The following PRKCA variants were observed in gnomAD, a reference collection of about 807,000 sequenced individuals.
The protein encoded by PRKCA is protein kinase C alpha, also known as protein kinase C alpha type.
Under a neutral mutation model 87.0 loss-of-function variants are expected in PRKCA, and 27 were observed. That is an observed-to-expected ratio of 0.31 (90% confidence interval 0.23 to 0.43). PRKCA has a LOEUF of 0.43. PRKCA is among the 20% of genes least tolerant of loss of function. PRKCA has a pLI of 1.00. For missense variants in PRKCA, 518 were observed against 852.3 expected (o/e 0.61, Z 4.88); for synonymous variants, 329 against 311.1 (o/e 1.06, Z -0.61).
chr17:66,384,331 C>T (rs948397159), intron 2 of PRKCA, among the ~76,000 whole-genome samples: 1 of 152,068 alleles, frequency 6.6e-6, no homozygotes, highest in Non-Finnish European at 1.5e-5. Context: ...TTTTCAGTGG[C>T]AAACCTGTTT....
At chr17:66,790,991 GT>G (rs11358340) in intron 16 of PRKCA, among the ~76,000 whole-genome samples, 19,755 of 142,920 alleles carry the variant, frequency 0.14, 2,160 homozygotes, top group African/African-American at 0.3. Context: ...CTGTTTGCTG[GT>G]TTTTTTTTTT....
intron 2 of PRKCA, among the ~76,000 whole-genome samples, chr17:66,386,724 C>T (rs1910081663): frequency 6.6e-6 from 1 of 152,192 alleles, no homozygotes; most frequent in African/African-American, 2.4e-5. Flanking sequence ...TTGGTGGATA[C>T]TCCCTGTTGC....
chr17:66,557,912 C>T (rs1467292721), intron 3 of PRKCA, among the ~76,000 whole-genome samples: 1 of 152,210 alleles, frequency 6.6e-6, no homozygotes, highest in Non-Finnish European at 1.5e-5. Context: ...AGTATCCTCT[C>T]CCAGGCCCCA....
chr17:66,798,452 ACGGTGGTGGTGGTGGTGGTGGTGGTGG>A (rs1568040921), intron 16 of PRKCA, among the ~76,000 whole-genome samples: 4 of 8,954 alleles, frequency 4.5e-4, no homozygotes, highest in Non-Finnish European at 6.4e-4. Context: ...GGTGGTGGTG[ACGGTGGTGGTGGTGGTGGTGGTGGTGG>A]TGGTGGTGAC....
At chr17:66,514,201 C>A (rs1279327087) in intron 3 of PRKCA, among the ~76,000 whole-genome samples, 1 of 152,144 alleles carries the variant, frequency 6.6e-6, no homozygotes, top group Admixed American at 6.5e-5. Flanking sequence ...GGGTTTGGTA[C>A]TAGCCACGGT....
chr17:66,341,035 A>T (rs1221323967), intron 2 of PRKCA, among the ~76,000 whole-genome samples: 1 of 152,122 alleles, frequency 6.6e-6, no homozygotes, highest in East Asian at 1.9e-4. Context: ...CTGAAAAATC[A>T]CTTGCATGGG....
rs115007718 is a variant in PRKCA at position 66,511,116 on chromosome 17, G to A, written c.288+14833G>A. On this transcript the variant is annotated intron_variant, in intron 3 of 16. Coordinates refer to ENST00000413366, the MANE Select transcript of PRKCA (RefSeq NM_002737.3). ...ATGAATGCCTTTAGGAAAGCAGTAC[G>A]CCTATTGCTAGCTTTCTGCACTTCC... Among the ~76,000 whole-genome samples, 1,067 of 152,160 alleles carry A rather than the reference G, an allele frequency of 7.0e-3. 9 individuals carry two copies. The highest frequency in any genetic ancestry group is 0.024 in the South Asian group (116 of 4,806).
intron 2 of PRKCA, among the ~76,000 whole-genome samples, chr17:66,395,241 A>G (rs1232348318): frequency 1.3e-5 from 2 of 152,170 alleles, no homozygotes; most frequent in African/African-American, 2.4e-5. Flanking sequence ...CAATGTGATG[A>G]TGGCTTAGAA....
chr17:66,506,290 C>T (rs897062190), intron 3 of PRKCA, among the ~76,000 whole-genome samples: 4 of 146,798 alleles, frequency 2.7e-5, no homozygotes, highest in South Asian at 2.2e-4. Context: ...GGTGAGACCC[C>T]GTCTAAAAAA....
In PRKCA at chr17:66,739,731, G is replaced by A. The variant is rs533894933; in HGVS notation, c.1322+876G>A. Among the ~76,000 whole-genome samples the A allele has an allele frequency of 2.0e-5, 3 of 152,138 alleles. No homozygotes were observed. In the South Asian group the frequency reaches 6.2e-4, roughly 32 times the overall value. ...AGGGAAGCAGCCTTGCAGCTCAGCA[G>A]GTGTGGGAGATGCTGTGAGATTATT... On this transcript the variant is annotated intron_variant, in intron 11 of 16. Transcript: ENST00000413366.
intron 2 of PRKCA, among the ~76,000 whole-genome samples, chr17:66,314,718 G>A (rs1485743326): frequency 6.6e-6 from 1 of 152,172 alleles, no homozygotes. Flanking sequence ...TCAAGTTTGA[G>A]GGGATGGGTC....
intron 8 of PRKCA, among the ~76,000 whole-genome samples, chr17:66,725,306 G>A (rs925948224): frequency 1.3e-5 from 2 of 152,146 alleles, no homozygotes; most frequent in African/African-American, 4.8e-5. Context: ...TTTGTCATCT[G>A]GCCAACTAGT....
intron 3 of PRKCA, among the ~76,000 whole-genome samples, chr17:66,586,277 T>C (rs1969596219): frequency 6.6e-6 from 1 of 152,172 alleles, no homozygotes; most frequent in Admixed American, 6.5e-5. Context: ...CCTTCTTTCC[T>C]TTACCTAACT....
chr17:66,722,886 CACA>C (rs1362777570), intron 8 of PRKCA, among the ~76,000 whole-genome samples: 1 of 152,208 alleles, frequency 6.6e-6, no homozygotes, highest in Non-Finnish European at 1.5e-5. Flanking sequence ...TCATTCTATT[CACA>C]ACATTACATA....
At chr17:66,386,446 G>A (rs1009240428) in intron 2 of PRKCA, among the ~76,000 whole-genome samples, 3 of 152,160 alleles carry the variant, frequency 2.0e-5, no homozygotes, top group African/African-American at 4.8e-5. Context: ...TTGCCAGTTC[G>A]TCGACTCTGA....
At chr17:66,523,320 G>A (rs1967234228) in intron 3 of PRKCA, among the ~76,000 whole-genome samples, 1 of 152,134 alleles carries the variant, frequency 6.6e-6, no homozygotes. Context: ...AGGAAAAACT[G>A]GGAGTTAAAA....
chr17:66,370,228 CT>C (rs35851942), intron 2 of PRKCA, among the ~76,000 whole-genome samples: 1,653 of 112,146 alleles, frequency 0.015, 18 homozygotes, highest in African/African-American at 0.055. Context: ...TATTTTGATA[CT>C]TTTTTTTTTT....
intron 16 of PRKCA, among the ~76,000 whole-genome samples, chr17:66,798,156 C>A (rs376429976): frequency 6.6e-6 from 1 of 152,296 alleles, no homozygotes; most frequent in South Asian, 2.1e-4. Flanking sequence ...GCTAGGTGCC[C>A]CCTCAGCCCT....
chr17:66,640,084 C>T (rs1208821009), intron 3 of PRKCA, among the ~76,000 whole-genome samples: 1 of 152,140 alleles, frequency 6.6e-6, no homozygotes. Context: ...TGGTACCTAC[C>T]TACCCTGTGA....
Sources: gnomAD v4.1 joint callset for allele counts (sites outside exome capture counted in the v4.1 genomes callset) on GRCh38, gnomAD v4.1.1 for gene constraint, MANE v1.5 for transcripts, NCBI Gene and HGNC (gene_info 2026-07-23, HGNC 2026-07-21) for gene names.